Variants in KIAA1217 observed in about 807,000 individuals in gnomAD.
The protein encoded by KIAA1217 is sickle tail protein homolog.
KIAA1217 carries 88 observed loss-of-function variants against 163.9 expected under a neutral mutation model. The ratio of observed to expected loss-of-function variants is 0.54; its 90% CI spans 0.45 to 0.64. The LOEUF is 0.64. Ranked by LOEUF, KIAA1217 falls within the 30% of genes least tolerant of loss-of-function variation. The pLI is 0.00. For synonymous variants in KIAA1217, 903 were observed against 923.1 expected (o/e 0.98, Z 0.39); for missense variants, 2,372 against 2,475.0 (o/e 0.96, Z 0.88).
At chr10:24,214,765 G>A (rs1301854064) in intron 1 of KIAA1217, among the ~76,000 whole-genome samples, 1 of 152,230 alleles carries the variant, frequency 6.6e-6, no homozygotes, top group Non-Finnish European at 1.5e-5. Context: ...CTAACCAGAA[G>A]CCACTAGAAA....
At chr10:24,462,165 G>T (rs1199371054) in intron 5 of KIAA1217, among the ~76,000 whole-genome samples, 1 of 150,722 alleles carries the variant, frequency 6.6e-6, no homozygotes, top group African/African-American at 2.4e-5. Flanking sequence ...ATATATATAA[G>T]CATATATACT....
At chr10:23,947,592 A>T (rs552577714) in intron 1 of KIAA1217, among the ~76,000 whole-genome samples, 55 of 152,348 alleles carry the variant, frequency 3.6e-4, no homozygotes, top group African/African-American at 1.3e-3. Flanking sequence ...AAGAGATATC[A>T]GTAGGTGGTG....
chr10:23,908,380 A>T (rs1033182682), intron 1 of KIAA1217, among the ~76,000 whole-genome samples: 4 of 152,058 alleles, frequency 2.6e-5, no homozygotes, highest in Non-Finnish European at 4.4e-5. Context: ...TGGTGCTCTC[A>T]ATCCCCAGTG....
intron 2 of KIAA1217, among the ~76,000 whole-genome samples, chr10:24,110,252 C>A (rs2062795050): frequency 6.6e-6 from 1 of 152,106 alleles, no homozygotes; most frequent in African/African-American, 2.4e-5. Flanking sequence ...AAAGTATCAG[C>A]ACAGATCTTC....
At chr10:24,178,760 C>T (rs2066028172) in intron 2 of KIAA1217, among the ~76,000 whole-genome samples, 1 of 152,190 alleles carries the variant, frequency 6.6e-6, no homozygotes, top group Non-Finnish European at 1.5e-5. Context: ...ACATACATTT[C>T]ACCTTTTTCT....
At chr10:24,247,987 G>C (rs147763511) in intron 2 of KIAA1217, among the ~76,000 whole-genome samples, 165 of 152,330 alleles carry the variant, frequency 1.1e-3, no homozygotes, top group African/African-American at 4.0e-3. Context: ...AATGTGGCCT[G>C]TGTTCTTTCA....
chr10:23,954,882 A>G (rs1222739378), intron 1 of KIAA1217, among the ~76,000 whole-genome samples: 1 of 152,142 alleles, frequency 6.6e-6, no homozygotes, highest in African/African-American at 2.4e-5. Context: ...AGGGAGAGGA[A>G]AAATAATAGA....
chr10:24,520,693 A>C (rs768434607), intron 11 of KIAA1217, among the ~76,000 whole-genome samples: 32,311 of 124,694 alleles, frequency 0.26, 4,976 homozygotes, highest in Middle Eastern at 0.39. Context: ...CACACAAAAA[A>C]AAATTAGCCA....
intron 2 of KIAA1217, among the ~76,000 whole-genome samples, chr10:24,328,500 GT>G (rs11304905): frequency 0.79 from 118,079 of 148,648 alleles, 47,180 homozygotes; most frequent in Middle Eastern, 0.91. Context: ...CAGTTTTTAT[GT>G]TTTTTTTTTT....
intron 2 of KIAA1217, among the ~76,000 whole-genome samples, chr10:24,178,795 T>A (rs1371249020): frequency 6.6e-6 from 1 of 152,222 alleles, no homozygotes; most frequent in Non-Finnish European, 1.5e-5. Flanking sequence ...TTTTGTTCTA[T>A]ATTTTTTGCA....
At position 24,354,008 on chromosome 10, in the gene KIAA1217, C is replaced by T. The variant is rs138194475; in HGVS notation, c.355-26861C>T. 7.9e-3 allele frequency among the ~76,000 whole-genome samples: 1,205 copies of T among 152,272 alleles called. 6 individuals are homozygous for T. The highest frequency in any genetic ancestry group is 0.013 in the South Asian group (63 of 4,830). ...GCTGGGTTTTCTGATGGTTTCTCCA[C>T]GGATTATCTTCCTCAAATACAATGT... On this transcript the variant is annotated intron_variant, in intron 2 of 20. Coordinates refer to ENST00000376454, the MANE Select transcript of KIAA1217 (RefSeq NM_019590.5).
intron 2 of KIAA1217, among the ~76,000 whole-genome samples, chr10:24,338,904 A>G (rs573283830): frequency 3.5e-4 from 54 of 152,346 alleles, no homozygotes; most frequent in Admixed American, 1.2e-3. Context: ...ATATAAACCA[A>G]GATTCATTTC....
At chr10:23,973,849 AC>A (rs1379829304) in intron 1 of KIAA1217, among the ~76,000 whole-genome samples, 1 of 151,906 alleles carries the variant, frequency 6.6e-6, no homozygotes, top group African/African-American at 2.4e-5. Context: ...GAAAAAAAAA[AC>A]CCTCTCATTT....
intron 2 of KIAA1217, chr10:24,275,539 T>A: frequency 2.4e-6 from 1 of 414,106 alleles, no homozygotes; most frequent in Non-Finnish European, 4.8e-6. Flanking sequence ...TTTGGGAGTA[T>A]TAATTTGAGG....
At chr10:23,856,877 G>T (rs1260339267) in intron 1 of KIAA1217, among the ~76,000 whole-genome samples, 1 of 152,230 alleles carries the variant, frequency 6.6e-6, no homozygotes, top group East Asian at 1.9e-4. Flanking sequence ...CGCAGTATTA[G>T]GGTGGGAGTG....
At chr10:24,147,188 A>G (rs1023304925) in intron 2 of KIAA1217, among the ~76,000 whole-genome samples, 6 of 152,142 alleles carry the variant, frequency 3.9e-5, no homozygotes, top group African/African-American at 1.4e-4. Context: ...CTTTTCTACC[A>G]TGTTTTCATT....
At chr10:23,864,135 A>C (rs1350777161) in intron 1 of KIAA1217, among the ~76,000 whole-genome samples, 1 of 151,664 alleles carries the variant, frequency 6.6e-6, no homozygotes, top group East Asian at 1.9e-4. Flanking sequence ...ACCAAAACAG[A>C]GGAATTACAT....
At chr10:24,520,292 T>G (rs1320427777) in intron 11 of KIAA1217, 39 bp downstream of exon 11, 1 of 1,610,486 alleles carries the variant, frequency 6.2e-7, no homozygotes, top group Non-Finnish European at 8.5e-7. Context: ...GTCTGAGCTG[T>G]CTTTCCTGCG....
intron 1 of KIAA1217, among the ~76,000 whole-genome samples, chr10:23,900,940 G>A (rs371790658): frequency 2.0e-5 from 3 of 152,008 alleles, no homozygotes; most frequent in East Asian, 1.9e-4. Flanking sequence ...GTAAAATAAT[G>A]TTTGTAAAAG....
Sources: allele counts gnomAD v4.1 joint callset (sites outside exome capture counted in the v4.1 genomes callset), GRCh38; gene constraint gnomAD v4.1.1; transcripts MANE v1.5; gene names NCBI Gene and HGNC (gene_info 2026-07-23, HGNC 2026-07-21).